The following ATXN1 variants were observed in gnomAD, a reference collection of about 807,000 sequenced individuals.
The protein encoded by ATXN1 is ataxin 1.
In ATXN1, 8 loss-of-function variants were observed where a neutral mutation model predicts 56.4. That is an observed-to-expected ratio of 0.14 (90% CI 0.08 to 0.26). The LOEUF (loss-of-function observed/expected upper bound fraction) is 0.26, where lower values mean the gene tolerates loss of function less well. Ranked by LOEUF, ATXN1 falls within the 10% of genes least tolerant of loss-of-function variation. The pLI is 1.00. For missense variants in ATXN1, 987 were observed against 1,106.5 expected (o/e 0.89, Z 1.53); for synonymous variants, 514 against 494.6 (o/e 1.04, Z -0.52).
intron 6 of ATXN1, among the ~76,000 whole-genome samples, chr6:16,451,755 C>CA (rs369181235): frequency 0.015 from 1,899 of 126,060 alleles, 34 homozygotes; most frequent in African/African-American, 0.043. Flanking sequence ...AACTCCGTCT[C>CA]AAAAAAAAAA....
chr6:16,712,514 G>A (rs1759547265), intron 2 of ATXN1, among the ~76,000 whole-genome samples: 1 of 152,148 alleles, frequency 6.6e-6, no homozygotes, highest in African/African-American at 2.4e-5. Flanking sequence ...CGAGTGAACT[G>A]AACGCAAGAA....
At chr6:16,588,901 G>C (rs1015192527) in intron 3 of ATXN1, among the ~76,000 whole-genome samples, 16 of 152,186 alleles carry the variant, frequency 1.1e-4, no homozygotes, top group Non-Finnish European at 2.1e-4. Context: ...CCAGCACACA[G>C]AGTATGACAT....
chr6:16,406,105 A>G (rs1758680684), intron 6 of ATXN1, among the ~76,000 whole-genome samples: 1 of 152,228 alleles, frequency 6.6e-6, no homozygotes, highest in Non-Finnish European at 1.5e-5. Flanking sequence ...GTGAGGTCTT[A>G]AAACAACCCT....
intron 2 of ATXN1, among the ~76,000 whole-genome samples, chr6:16,734,091 A>C (rs1238675125): frequency 6.6e-6 from 1 of 152,194 alleles, no homozygotes; most frequent in Non-Finnish European, 1.5e-5. Flanking sequence ...GTGAGACCCC[A>C]TATAAAAAAA....
At chr6:16,346,954 C>T (rs896503268) in intron 6 of ATXN1, among the ~76,000 whole-genome samples, 1 of 152,252 alleles carries the variant, frequency 6.6e-6, no homozygotes, top group Admixed American at 6.5e-5. Context: ...TGGCTGTGGG[C>T]TCCGTGGGCC....
chr6:16,454,112 C>T (rs527372581), intron 6 of ATXN1, among the ~76,000 whole-genome samples: 7 of 117,372 alleles, frequency 6.0e-5, no homozygotes, highest in East Asian at 5.8e-4. Flanking sequence ...GCAATAAGAG[C>T]GAGACTCTGT....
chr6:16,639,791 C>T (rs1763674275), intron 3 of ATXN1, among the ~76,000 whole-genome samples: 1 of 152,216 alleles, frequency 6.6e-6, no homozygotes, highest in Admixed American at 6.5e-5. Flanking sequence ...ATGTTCACCT[C>T]TACTACAATT....
At chr6:16,368,333 ACTT>A (rs1250696683) in intron 6 of ATXN1, among the ~76,000 whole-genome samples, 5 of 130,730 alleles carry the variant, frequency 3.8e-5, no homozygotes, top group East Asian at 2.2e-4. Flanking sequence ...CTTTGGCTTG[ACTT>A]CTTCTTCTTT....
At chr6:16,356,692 A>C (rs181576608) in intron 6 of ATXN1, among the ~76,000 whole-genome samples, 31 of 152,344 alleles carry the variant, frequency 2.0e-4, no homozygotes, top group Non-Finnish European at 3.7e-4. Context: ...GGGGAAAAGC[A>C]TATAACTTAT....
At chr6:16,458,518 T>A (rs1759925733) in intron 6 of ATXN1, among the ~76,000 whole-genome samples, 1 of 152,038 alleles carries the variant, frequency 6.6e-6, no homozygotes, top group Admixed American at 6.5e-5. Flanking sequence ...CTGAACAAAA[T>A]CTGGAGGCAT....
At chr6:16,433,421 C>T (rs894287425) in intron 6 of ATXN1, among the ~76,000 whole-genome samples, 1 of 152,098 alleles carries the variant, frequency 6.6e-6, no homozygotes, top group African/African-American at 2.4e-5. Flanking sequence ...TAGTTGTTGG[C>T]TTTAAGGAGG....
intron 6 of ATXN1, among the ~76,000 whole-genome samples, chr6:16,457,680 A>G (rs1399787598): frequency 6.6e-6 from 1 of 152,232 alleles, no homozygotes; most frequent in Non-Finnish European, 1.5e-5. Context: ...CTTTCTTTTT[A>G]CTGAAGGATA....
At chr6:16,555,526 C>T (rs1056211934) in intron 4 of ATXN1, among the ~76,000 whole-genome samples, 4 of 152,164 alleles carry the variant, frequency 2.6e-5, no homozygotes, top group African/African-American at 9.7e-5. Flanking sequence ...AAGACACCCA[C>T]CCAGAGCCCA....
intron 2 of ATXN1, chr6:16,737,914 T>C (rs1020683374): frequency 1.3e-5 from 2 of 152,100 alleles, no homozygotes; most frequent in African/African-American, 2.4e-5. Flanking sequence ...AAATTAGTTA[T>C]AAACACAGAA....
At chr6:16,729,213 T>C (rs1449113107) in intron 2 of ATXN1, among the ~76,000 whole-genome samples, 2 of 152,212 alleles carry the variant, frequency 1.3e-5, no homozygotes, top group African/African-American at 4.8e-5. Flanking sequence ...CTTTTTTCTC[T>C]CTCACCCTTA....
intron 6 of ATXN1, among the ~76,000 whole-genome samples, chr6:16,330,077 CTTT>C: frequency 6.6e-6 from 1 of 151,732 alleles, no homozygotes; most frequent in African/African-American, 2.4e-5. Flanking sequence ...GATTTTCTTT[CTTT>C]CTTTCTTTCT....
chr6:16,672,216 C>T (rs1476572487), intron 2 of ATXN1, among the ~76,000 whole-genome samples: 1 of 152,220 alleles, frequency 6.6e-6, no homozygotes, highest in Admixed American at 6.5e-5. Context: ...TACTCCCTTA[C>T]TGAAATGTGT....
chr6:16,491,280 T>TTATTA (rs1561723448), intron 5 of ATXN1, among the ~76,000 whole-genome samples: 82 of 110,746 alleles, frequency 7.4e-4, no homozygotes, highest in African/African-American at 3.3e-3. Flanking sequence ...TATTATTATT[T>TTATTA]TTTTTTTTTT....
intron 2 of ATXN1, among the ~76,000 whole-genome samples, chr6:16,730,246 C>T (rs1150636): frequency 0.31 from 47,574 of 151,818 alleles, 7,626 homozygotes; most frequent in East Asian, 0.39. Context: ...GCCATTGCAC[C>T]CCAGCCTGGG....
Sources: allele counts gnomAD v4.1 joint callset (sites outside exome capture counted in the v4.1 genomes callset), GRCh38; gene constraint gnomAD v4.1.1; transcripts MANE v1.5; gene names NCBI Gene and HGNC (gene_info 2026-07-23, HGNC 2026-07-21).